BBS9: variants seen among roughly 807,000 people sequenced by gnomAD.
The protein encoded by BBS9 is Bardet-Biedl syndrome 9, also known as protein PTHB1.
In BBS9, 89 loss-of-function variants were observed where a neutral mutation model predicts 117.7. The observed-to-expected ratio is 0.76, with a 90% CI of 0.64 to 0.90. The LOEUF is 0.90. Ranked by LOEUF, BBS9 falls within the 40% of genes least tolerant of loss-of-function variation. BBS9 has a pLI of 0.00. For missense variants in BBS9, 982 were observed against 1,042.2 expected (o/e 0.94, Z 0.80); for synonymous variants, 379 against 370.9 (o/e 1.02, Z -0.25).
In BBS9 at chr7:33,514,001, C is replaced by G. The variant is rs550501835; in HGVS notation, c.2298+8356C>G. Among the ~76,000 whole-genome samples the G allele has an allele frequency of 7.9e-5, 12 of 152,282 alleles. No homozygotes were observed. In the East Asian group the frequency reaches 2.3e-3, roughly 29 times the overall value. ...AACTTAATGCACTAAAAGCAGTAAC[C>G]TAAAATCCATTTGGTACCATAATGT... On this transcript the variant is annotated intron_variant, in intron 20 of 22. Coordinates refer to ENST00000242067, the MANE Select transcript of BBS9 (RefSeq NM_198428.3).
At chr7:33,171,334 A>T (rs1315639959) in intron 4 of BBS9, among the ~76,000 whole-genome samples, 7 of 152,122 alleles carry the variant, frequency 4.6e-5, no homozygotes, top group Admixed American at 6.5e-5. Context: ...GACAAACCTG[A>T]GAAAAACAAG....
chr7:33,459,143 G>A (rs764246432), intron 19 of BBS9, among the ~76,000 whole-genome samples: 5 of 152,120 alleles, frequency 3.3e-5, no homozygotes, highest in Admixed American at 2.0e-4. Flanking sequence ...AAGACAAAAC[G>A]AACTCCTTTC....
chr7:33,364,655 C>T (rs1295496671), intron 16 of BBS9, among the ~76,000 whole-genome samples: 1 of 92,508 alleles, frequency 1.1e-5, no homozygotes, highest in African/African-American at 4.3e-5. Flanking sequence ...CCCCTCCTCT[C>T]CACTCCCCTT....
intron 4 of BBS9, among the ~76,000 whole-genome samples, chr7:33,166,085 A>C (rs1241933377): frequency 6.6e-6 from 1 of 152,234 alleles, no homozygotes; most frequent in Non-Finnish European, 1.5e-5. Flanking sequence ...TCCTTCTAAC[A>C]GTCAGGTCCC....
chr7:33,486,519 A>G (rs919102353), intron 19 of BBS9, among the ~76,000 whole-genome samples: 1 of 152,260 alleles, frequency 6.6e-6, no homozygotes, highest in Non-Finnish European at 1.5e-5. Context: ...CTTTAAAGTG[A>G]ATAAATCCCT....
chr7:33,589,065 G>T (rs1422133132), intron 21 of BBS9, among the ~76,000 whole-genome samples: 1 of 152,114 alleles, frequency 6.6e-6, no homozygotes, highest in East Asian at 1.9e-4. Flanking sequence ...CTATAGTGGG[G>T]GTCAGAGGTA....
intron 17 of BBS9, chr7:33,380,864 C>T (rs1365096810): frequency 6.6e-6 from 1 of 152,260 alleles, no homozygotes; most frequent in Non-Finnish European, 1.5e-5. Flanking sequence ...GCTGGCCAAA[C>T]TCAGCTCCCC....
intron 9 of BBS9, among the ~76,000 whole-genome samples, chr7:33,301,142 C>G (rs892700863): frequency 8.6e-5 from 13 of 151,730 alleles, no homozygotes; most frequent in Non-Finnish European, 1.5e-5. Context: ...TATATATACA[C>G]ACACATAAAT....
At chr7:33,390,452 TAAGTC>T in intron 19 of BBS9, 1 of 981,078 alleles carries the variant, frequency 1.0e-6, no homozygotes, top group Non-Finnish European at 1.2e-6. Context: ...TGTATATTGT[TAAGTC>T]CCATTCCTTT....
intron 21 of BBS9, among the ~76,000 whole-genome samples, chr7:33,539,958 A>G (rs539987747): frequency 6.6e-6 from 1 of 152,348 alleles, no homozygotes; most frequent in South Asian, 2.1e-4. Context: ...TAAATGCAGG[A>G]GGATATTTGA....
Position 33,604,919 on chromosome 7 carries a change from A to T in BBS9, c.2576A>T (p.Asp859Val). 1 of 1,613,842 alleles carries T rather than the reference A, an allele frequency of 6.2e-7. No individual in the cohort carries two copies. The highest frequency in any genetic ancestry group is 2.2e-5 in the East Asian group (1 of 44,834). Residue 859 changes from aspartate to valine, a missense_variant, in exon 22 of 23, where the codon GAC (aspartate) becomes GTC (valine). By Grantham distance (152) the Asp-to-Val change is radical (BLOSUM62 -3). Transcript: ENST00000242067. ...CTAGAAGAAAGATCAGTAGAACAAG[A>T]CTCTACAGAACTGTTTACCAACCAC... ...SDLEERSVEQ[D>V]STELFTNHRH...
rs769688660 is a variant in BBS9 at position 33,146,497 on chromosome 7, C to T, written c.112+133C>T. 37 of 700,526 alleles carry T rather than the reference C, an allele frequency of 5.3e-5. 1 individual carries two copies. The highest frequency in any genetic ancestry group is 2.3e-4 in the South Asian group (16 of 68,954). The allele number at this position is 700,526 out of a possible 1,614,324, so 43.4% of individuals were successfully genotyped here. Reference sequence around the variant, plus strand: ...TGGGCAGATCACGAGGTCAGGAGTACGAGACCAGCCTGGCCAACATGGTGA... The same window carrying T: ...TGGGCAGATCACGAGGTCAGGAGTATGAGACCAGCCTGGCCAACATGGTGA... On this transcript the variant is annotated intron_variant, in intron 2 of 22. Transcript: ENST00000242067.
intron 19 of BBS9, among the ~76,000 whole-genome samples, chr7:33,393,270 C>T (rs1326404363): frequency 6.6e-6 from 1 of 152,024 alleles, no homozygotes; most frequent in Non-Finnish European, 1.5e-5. Context: ...GAATATTTGC[C>T]CATGTTCTTA....
chr7:33,290,059 AT>A (rs1488244490), intron 9 of BBS9, among the ~76,000 whole-genome samples: 5 of 133,034 alleles, frequency 3.8e-5, no homozygotes, highest in African/African-American at 8.7e-5. Context: ...AAAAAAAAAA[AT>A]TTTTTTAGAA....
At chr7:33,569,870 G>A (rs182968151) in intron 21 of BBS9, among the ~76,000 whole-genome samples, 1 of 152,314 alleles carries the variant, frequency 6.6e-6, no homozygotes, top group East Asian at 1.9e-4. Flanking sequence ...AAGAGGACCT[G>A]GGAACAAAGA....
At chr7:33,251,122 A>G (rs1016646687) in intron 5 of BBS9, among the ~76,000 whole-genome samples, 38 of 152,176 alleles carry the variant, frequency 2.5e-4, no homozygotes, top group African/African-American at 8.7e-4. Flanking sequence ...ATCTACAGGA[A>G]TGAATTGCCT....
chr7:33,516,511 A>AAAAAAAAAT (rs1847839259), intron 20 of BBS9, among the ~76,000 whole-genome samples: 2 of 149,140 alleles, frequency 1.3e-5, no homozygotes, highest in Admixed American at 6.7e-5. Flanking sequence ...AAAAAAAAAA[A>AAAAAAAAAT]GAGTTGATGG....
At chr7:33,362,828 T>C (rs1027272513) in intron 16 of BBS9, among the ~76,000 whole-genome samples, 3 of 152,220 alleles carry the variant, frequency 2.0e-5, no homozygotes, top group African/African-American at 7.2e-5. Flanking sequence ...ATTGTGATTG[T>C]ATTGATTCCA....
At chr7:33,443,831 T>C (rs1206999323) in intron 19 of BBS9, among the ~76,000 whole-genome samples, 1 of 152,158 alleles carries the variant, frequency 6.6e-6, no homozygotes, top group African/African-American at 2.4e-5. Context: ...TTTAAGGCAA[T>C]AAAGTGAATG....
Sources: allele counts gnomAD v4.1 joint callset (sites outside exome capture counted in the v4.1 genomes callset), GRCh38; gene constraint gnomAD v4.1.1; transcripts MANE v1.5; gene names NCBI Gene and HGNC (gene_info 2026-07-23, HGNC 2026-07-21).